MBP: variants seen among roughly 807,000 people sequenced by gnomAD.
MBP encodes the protein Golli-MBP.
MBP carries 16 observed loss-of-function variants against 35.8 expected under a neutral mutation model. The ratio of observed to expected loss-of-function variants is 0.45; its 90% confidence interval spans 0.30 to 0.68. The LOEUF is 0.68. MBP is among the 30% of genes least tolerant of loss of function. The pLI is 0.08. For missense variants in MBP, 380 were observed against 404.7 expected (o/e 0.94, Z 0.52); for synonymous variants, 143 against 159.6 (o/e 0.90, Z 0.78).
Position 77,012,928 on chromosome 18 carries a change from G to A in MBP, c.576+3904C>T, listed in dbSNP as rs907432201. ...AAATACATTCCCATGATTTACAAATGTATCGCTTATACAGAGGAAGTTGCA... is the reference window on the plus strand; with the variant it reads ...AAATACATTCCCATGATTTACAAATATATCGCTTATACAGAGGAAGTTGCA... On this transcript the variant is annotated intron_variant, in intron 4 of 8. Coordinates refer to ENST00000355994, the MANE Select transcript of MBP (RefSeq NM_001025101.2). 3.0e-6 allele frequency: 3 copies of A among 985,290 alleles called. No individual in the cohort carries two copies. In the African/African-American group the frequency reaches 5.2e-5, roughly 17 times the overall value. The allele number at this position is 985,290 out of a possible 1,614,324, so 61.0% of individuals were successfully genotyped here.
At chr18:77,010,191 A>T (rs1470070946) in intron 4 of MBP, 8 of 505,070 alleles carry the variant, frequency 1.6e-5, no homozygotes, top group Non-Finnish European at 2.8e-5. Flanking sequence ...AGCAAAAGGA[A>T]AGTTTAGGGA....
At chr18:77,065,937 A>G (rs1410268086) in intron 3 of MBP, 1 of 210,402 alleles carries the variant, frequency 4.8e-6, no homozygotes, top group Admixed American at 5.2e-5. Context: ...AGCTCACTGC[A>G]GCCTCGACCT....
chr18:77,009,747 C>T, intron 4 of MBP: 1 of 1,049,918 alleles, frequency 9.5e-7, no homozygotes, highest in Admixed American at 2.4e-5. Flanking sequence ...GGGGGTGGGC[C>T]CCTGGCAGTG....
chr18:77,076,381 C>T (rs1599193846), intron 2 of MBP, among the ~76,000 whole-genome samples: 1 of 152,230 alleles, frequency 6.6e-6, no homozygotes, highest in Non-Finnish European at 1.5e-5. Context: ...TCTGAGGCCA[C>T]ATGGAGAGGG....
chr18:76,991,791 G>A (rs910914815), intron 4 of MBP, among the ~76,000 whole-genome samples: 1 of 152,184 alleles, frequency 6.6e-6, no homozygotes. Flanking sequence ...TTAAATGCAC[G>A]GAAGTCAATT....
chr18:77,073,643 ACTCT>A (rs1974537984), intron 2 of MBP, among the ~76,000 whole-genome samples: 2 of 151,710 alleles, frequency 1.3e-5, no homozygotes, highest in African/African-American at 4.8e-5. Flanking sequence ...GCAGATAGAC[ACTCT>A]CTCTATCTTC....
At chr18:76,999,267 C>A (rs1248943361) in intron 4 of MBP, among the ~76,000 whole-genome samples, 2 of 152,096 alleles carry the variant, frequency 1.3e-5, no homozygotes, top group Non-Finnish European at 2.9e-5. Flanking sequence ...GTGGCGCACC[C>A]TCAAGCCTTC....
In MBP at chr18:76,979,649, C is replaced by T. The variant is rs1306629352; in HGVS notation, c.*778G>A. On this transcript the variant is annotated 3_prime_UTR_variant, in exon 9 of 9. Coordinates refer to ENST00000355994, the MANE Select transcript of MBP (RefSeq NM_001025101.2). Reference sequence around the variant, plus strand: ...CACCATGCAGGGCAACGGTGACGTCCAGAGGCCACCTGCTTGACATCTCCA... The same window carrying T: ...CACCATGCAGGGCAACGGTGACGTCTAGAGGCCACCTGCTTGACATCTCCA... The T allele has an allele frequency of 1.4e-5, 6 of 425,144 alleles. No individual in the cohort carries two copies. Among genetic ancestry groups the T allele is most frequent in the African/African-American group, 1.0e-4 (5 of 49,632 alleles). The allele number at this position is 425,144 out of a possible 1,614,324, so 26.3% of individuals were successfully genotyped here.
intron 3 of MBP, among the ~76,000 whole-genome samples, chr18:77,021,294 C>T (rs577489713): frequency 1.7e-4 from 26 of 152,290 alleles, no homozygotes; most frequent in Middle Eastern, 3.4e-3. Context: ...CACACACACA[C>T]GCAAACAGGC....
intron 2 of MBP, among the ~76,000 whole-genome samples, chr18:77,069,678 G>A (rs971718777): frequency 2.0e-5 from 3 of 152,162 alleles, no homozygotes; most frequent in Non-Finnish European, 4.4e-5. Context: ...ATAACCTAGC[G>A]GCAGCCACTT....
At chr18:76,992,210 T>G (rs1399405207) in intron 4 of MBP, among the ~76,000 whole-genome samples, 2 of 152,088 alleles carry the variant, frequency 1.3e-5, no homozygotes, top group East Asian at 3.8e-4. Context: ...TTTCCATGGA[T>G]GGGGGTGGGT....
At chr18:77,093,352 T>C (rs1975620459) in intron 2 of MBP, 1 of 152,322 alleles carries the variant, frequency 6.6e-6, no homozygotes, top group South Asian at 2.1e-4. Flanking sequence ...GTGCACAAAG[T>C]GCAGGTGTGT....
rs898703422 is a variant in MBP, at chr18:77,013,292, C to G, written c.576+3540G>C. 2.6e-5 allele frequency: 26 copies of G among 985,202 alleles called. No homozygotes were observed. The African/African-American group carries it at 4.2e-4, about 16-fold the overall frequency. The allele number at this position is 985,202 out of a possible 1,614,324, so 61.0% of individuals were successfully genotyped here. A position where few individuals can be genotyped will look rare whatever the true frequency, so the allele number is the denominator to read the frequency against. ...ACGATGAATGAGATTGAATTTGGTT[C>G]TGTGTGCACACTGGGCTCTGGGGAG... On this transcript the variant is annotated intron_variant, in intron 4 of 8. Coordinates refer to ENST00000355994, the MANE Select transcript of MBP (RefSeq NM_001025101.2).
chr18:77,022,264 C>T (rs1009985204), intron 3 of MBP, among the ~76,000 whole-genome samples: 2 of 152,130 alleles, frequency 1.3e-5, no homozygotes, highest in African/African-American at 2.4e-5. Flanking sequence ...GCGGTGGTCT[C>T]GTCCATGCAC....
intron 2 of MBP, among the ~76,000 whole-genome samples, chr18:77,103,146 T>C (rs1976109212): frequency 6.6e-6 from 1 of 152,216 alleles, no homozygotes; most frequent in Non-Finnish European, 1.5e-5. Flanking sequence ...CTTCCATGGA[T>C]GATTTGAAAG....
chr18:77,022,688 A>G (rs182293980), intron 3 of MBP, among the ~76,000 whole-genome samples: 1 of 152,368 alleles, frequency 6.6e-6, no homozygotes, highest in Admixed American at 6.5e-5. Flanking sequence ...AATTAAATGC[A>G]TTAACAAAAC....
intron 3 of MBP, among the ~76,000 whole-genome samples, chr18:77,029,916 G>A (rs895959879): frequency 8.6e-5 from 13 of 151,988 alleles, no homozygotes; most frequent in African/African-American, 2.9e-4. Flanking sequence ...CCAGCTTACC[G>A]TCCACAGATA....
chr18:77,075,184 C>T (rs72990930), intron 2 of MBP, among the ~76,000 whole-genome samples: 16,964 of 152,268 alleles, frequency 0.11, 1,176 homozygotes, highest in South Asian at 0.21. Flanking sequence ...CTGGAAGCTT[C>T]TCCCAGGGAT....
At chr18:77,031,294 GC>G (rs1209065616) in intron 3 of MBP, among the ~76,000 whole-genome samples, 1 of 152,214 alleles carries the variant, frequency 6.6e-6, no homozygotes. Flanking sequence ...TTTGGCAGAT[GC>G]CAGACAGACC....
Sources: allele counts gnomAD v4.1 joint callset (sites outside exome capture counted in the v4.1 genomes callset), GRCh38; gene constraint gnomAD v4.1.1; transcripts MANE v1.5; gene names NCBI Gene and HGNC (gene_info 2026-07-23, HGNC 2026-07-21).